Variants in COG5 observed in about 807,000 individuals in gnomAD.
The protein encoded by COG5 is conserved oligomeric Golgi complex subunit 5.
Under a neutral mutation model 110.4 loss-of-function variants are expected in COG5, and 86 were observed. That is an observed-to-expected ratio of 0.78 (90% confidence interval 0.65 to 0.93). The LOEUF is 0.93. Ranked by LOEUF, COG5 falls within the 40% of genes least tolerant of loss-of-function variation. COG5 has a pLI of 0.00. For synonymous variants in COG5, 360 were observed against 334.6 expected, an observed-to-expected ratio of 1.08 and a Z score of -0.83; for missense variants, 1,077 against 987.0, an observed-to-expected ratio of 1.09 and a Z score of -1.22.
intron 10 of COG5, among the ~76,000 whole-genome samples, chr7:107,339,867 G>A (rs1203337360): frequency 6.6e-6 from 1 of 152,028 alleles, no homozygotes; most frequent in Non-Finnish European, 1.5e-5. Context: ...CAAAAGCAGT[G>A]TTAAGAGGAA....
chr7:107,261,072 G>A (rs1367128310), intron 14 of COG5, among the ~76,000 whole-genome samples: 1 of 151,924 alleles, frequency 6.6e-6, no homozygotes, highest in African/African-American at 2.4e-5. Flanking sequence ...TCCCACGGTG[G>A]GCCCTGAGGA....
In COG5 at chr7:107,372,644, A is replaced by C; in HGVS notation, c.786T>G (p.Ser262Arg). Residue 262 changes from serine to arginine, a missense_variant, in exon 8 of 22, where the codon AGT (serine) becomes AGG (arginine). Coordinates refer to ENST00000297135, the MANE Select transcript of COG5 (RefSeq NM_006348.5). ...YCATLEENIN[S>R]ALDIKVLTQP... ...GAGTCAAAACTTTTATGTCTAATGCACTGTTGATATTTTCTTCTAAAGTAG... is the reference window on the plus strand; with the variant it reads ...GAGTCAAAACTTTTATGTCTAATGCCCTGTTGATATTTTCTTCTAAAGTAG... The C allele has an allele frequency of 1.2e-6, 2 of 1,613,732 alleles. No individual in the cohort carries two copies. Among genetic ancestry groups the C allele is most frequent in the Non-Finnish European group, 1.7e-6 (2 of 1,179,806 alleles).
At chr7:107,547,585 T>C (rs1364556991) in intron 5 of COG5, among the ~76,000 whole-genome samples, 1 of 152,182 alleles carries the variant, frequency 6.6e-6, no homozygotes, top group Non-Finnish European at 1.5e-5. Context: ...AAATTATCCC[T>C]GTCTGCAGAC....
Position 107,228,060 on chromosome 7 carries a change from G to A in COG5, c.2168+2555C>T, listed in dbSNP as rs1001136181. 8.5e-5 allele frequency among the ~76,000 whole-genome samples: 13 copies of A among 152,140 alleles called. No homozygotes were observed. The South Asian group carries it at 1.0e-3, about 12-fold the overall frequency. On this transcript the variant is annotated intron_variant, in intron 19 of 21. Coordinates refer to ENST00000297135, the MANE Select transcript of COG5 (RefSeq NM_006348.5). ...CATACTTGTAATCCCAGCAGTCTGGGGGGCTGAGGCGGGCAGATAGCTTGA... is the reference window on the plus strand; with the variant it reads ...CATACTTGTAATCCCAGCAGTCTGGAGGGCTGAGGCGGGCAGATAGCTTGA...
intron 10 of COG5, among the ~76,000 whole-genome samples, chr7:107,357,273 T>C (rs1198425168): frequency 6.6e-6 from 1 of 152,162 alleles, no homozygotes; most frequent in African/African-American, 2.4e-5. Context: ...GTGCTGTCTT[T>C]TGAGGTTTTT....
At chr7:107,250,312 C>T (rs757688221) in intron 16 of COG5, among the ~76,000 whole-genome samples, 15 of 152,156 alleles carry the variant, frequency 9.9e-5, no homozygotes, top group Non-Finnish European at 1.9e-4. Flanking sequence ...AAACTAAATG[C>T]GGCTTGCAAC....
At chr7:107,498,847 T>G (rs1335478353) in intron 6 of COG5, among the ~76,000 whole-genome samples, 1 of 152,180 alleles carries the variant, frequency 6.6e-6, no homozygotes, top group African/African-American at 2.4e-5. Flanking sequence ...TGCACTCTCA[T>G]GTTCACAGCA....
At chr7:107,428,784 T>C (rs1040812222) in intron 6 of COG5, among the ~76,000 whole-genome samples, 1 of 152,198 alleles carries the variant, frequency 6.6e-6, no homozygotes, top group East Asian at 1.9e-4. Context: ...CAGTGAAGGT[T>C]CCACATGCAG....
intron 5 of COG5, among the ~76,000 whole-genome samples, chr7:107,534,173 A>G (rs1240705165): frequency 1.3e-5 from 2 of 151,326 alleles, no homozygotes; most frequent in Non-Finnish European, 2.9e-5. Context: ...GAAGCACTAA[A>G]TATCAAAAGG....
At chr7:107,281,702 T>C (rs1262909513) in intron 13 of COG5, among the ~76,000 whole-genome samples, 1 of 152,152 alleles carries the variant, frequency 6.6e-6, no homozygotes, top group Non-Finnish European at 1.5e-5. Flanking sequence ...TTGCTAATAC[T>C]GATAAAGTGC....
intron 10 of COG5, among the ~76,000 whole-genome samples, chr7:107,348,997 G>C (rs1811886533): frequency 6.6e-6 from 1 of 151,998 alleles, no homozygotes; most frequent in African/African-American, 2.4e-5. Context: ...GAGTAGCTAG[G>C]ATTACACACA....
chr7:107,214,911 ACT>A (rs1247676691), intron 19 of COG5, among the ~76,000 whole-genome samples: 6 of 150,008 alleles, frequency 4.0e-5, no homozygotes, highest in South Asian at 2.1e-4. Context: ...ATAGAGCGAG[ACT>A]CTGTCTCAAA....
chr7:107,513,974 A>G (rs1323959528), intron 6 of COG5, among the ~76,000 whole-genome samples: 8 of 152,056 alleles, frequency 5.3e-5, no homozygotes, highest in Non-Finnish European at 1.2e-4. Flanking sequence ...GGTGCAGCAC[A>G]CCAACATGGC....
intron 12 of COG5, among the ~76,000 whole-genome samples, chr7:107,294,270 TC>T (rs1287612031): frequency 1.3e-5 from 2 of 152,322 alleles, no homozygotes; most frequent in Admixed American, 1.3e-4. Context: ...ACTAGTCGTA[TC>T]CTTGATTCCC....
chr7:107,326,752 T>C (rs1038718165), intron 10 of COG5, among the ~76,000 whole-genome samples: 3 of 152,198 alleles, frequency 2.0e-5, no homozygotes, highest in African/African-American at 7.2e-5. Context: ...AAAATCTCAA[T>C]GGCATTTTTG....
chr7:107,487,049 A>G (rs1430214632), intron 6 of COG5, among the ~76,000 whole-genome samples: 1 of 152,194 alleles, frequency 6.6e-6, no homozygotes, highest in Non-Finnish European at 1.5e-5. Context: ...TGTGGTGAGG[A>G]ACCAAATAAA....
intron 6 of COG5, among the ~76,000 whole-genome samples, chr7:107,488,662 T>C (rs868153902): frequency 1.3e-4 from 20 of 151,982 alleles, no homozygotes; most frequent in South Asian, 6.2e-4. Context: ...CTGGGCAACA[T>C]AGTAAAACCC....
At chr7:107,360,879 G>A (rs1393001004) in intron 10 of COG5, among the ~76,000 whole-genome samples, 1 of 152,216 alleles carries the variant, frequency 6.6e-6, no homozygotes, top group Non-Finnish European at 1.5e-5. Flanking sequence ...TAGGCCAAGA[G>A]GGCGGAACGA....
chr7:107,309,018 GA>G (rs927037024), intron 11 of COG5, among the ~76,000 whole-genome samples: 6 of 151,842 alleles, frequency 4.0e-5, no homozygotes, highest in African/African-American at 1.2e-4. Flanking sequence ...TTTAAAATGG[GA>G]AATCATGTGG....
Sources: gnomAD v4.1 joint callset for allele counts (sites outside exome capture counted in the v4.1 genomes callset) on GRCh38, gnomAD v4.1.1 for gene constraint, MANE v1.5 for transcripts, NCBI Gene and HGNC (gene_info 2026-07-23, HGNC 2026-07-21) for gene names.